Variants in CD2AP observed in about 807,000 individuals in gnomAD.
CD2AP encodes the protein CD2 associated protein.
In CD2AP, 46 loss-of-function variants were observed where a neutral mutation model predicts 85.1. The ratio of observed to expected loss-of-function variants is 0.54; its 90% confidence interval spans 0.43 to 0.69. The LOEUF (loss-of-function observed/expected upper bound fraction) is 0.69, where lower values mean the gene tolerates loss of function less well. CD2AP is among the 30% of genes least tolerant of loss of function. The pLI is 0.00. For missense variants in CD2AP, 769 were observed against 729.5 expected (o/e 1.05, Z -0.62); for synonymous variants, 255 against 252.9 (o/e 1.01, Z -0.08).
intron 11 of CD2AP, among the ~76,000 whole-genome samples, chr6:47,589,553 C>T (rs1319656837): frequency 1.7e-5 from 1 of 57,286 alleles, no homozygotes; most frequent in Non-Finnish European, 4.9e-5. Flanking sequence ...CATATATATA[C>T]ACACACACAC....
In CD2AP at chr6:47,544,609, C is replaced by T. The variant is rs1767317688; in HGVS notation, c.323C>T (p.Thr108Ile). 6.3e-7 allele frequency: 1 copy of T among 1,596,690 alleles called. No individual in the cohort carries two copies. Among genetic ancestry groups the T allele is most frequent in the East Asian group, 2.2e-5 (1 of 44,668 alleles). ...CTTATTATGTTACTTTCTTTAGAGACCAAGAAGCGTCAGTGTAAAGTTCTT... is the reference window on the plus strand; with the variant it reads ...CTTATTATGTTACTTTCTTTAGAGATCAAGAAGCGTCAGTGTAAAGTTCTT... ...HPQTKNIKKK[T>I]KKRQCKVLFE... Residue 108 changes from threonine to isoleucine, a missense_variant, in exon 4 of 18, where the codon ACC becomes ATC. Physicochemically the swap from Thr to Ile is moderately conservative, Grantham distance 89. Coordinates refer to ENST00000359314, the MANE Select transcript of CD2AP (RefSeq NM_012120.3).
chr6:47,589,534 A>ATG (rs1554182272), intron 11 of CD2AP, among the ~76,000 whole-genome samples: 20 of 138,414 alleles, frequency 1.4e-4, no homozygotes, highest in South Asian at 4.7e-4. Flanking sequence ...ATATATACAC[A>ATG]TATGTACACA....
chr6:47,574,302 A>G (rs144554172), intron 6 of CD2AP, 51 bp downstream of exon 6: 1 of 1,509,760 alleles, frequency 6.6e-7, no homozygotes, highest in East Asian at 2.3e-5. Context: ...CTCATTAAGC[A>G]TTTTTTAAAA....
At chr6:47,595,813 C>G in intron 11 of CD2AP, 48 bp from the exon 12 acceptor site, 1 of 1,544,240 alleles carries the variant, frequency 6.5e-7, no homozygotes, top group Non-Finnish European at 8.9e-7. Context: ...ATAGAAAAAC[C>G]TAAATAATTT....
At chr6:47,548,177 G>A (rs1278571322) in intron 4 of CD2AP, among the ~76,000 whole-genome samples, 2 of 151,736 alleles carry the variant, frequency 1.3e-5, no homozygotes, top group African/African-American at 4.8e-5. Context: ...ACCCAAACTC[G>A]GCAGAAGAAA....
chr6:47,519,600 G>C (rs1173392940), intron 2 of CD2AP, among the ~76,000 whole-genome samples: 2 of 152,170 alleles, frequency 1.3e-5, no homozygotes, highest in South Asian at 4.1e-4. Flanking sequence ...TACCTGTTAG[G>C]ATTGTTTGGT....
chr6:47,540,363 GC>G (rs1040457110), intron 3 of CD2AP, among the ~76,000 whole-genome samples: 6 of 151,988 alleles, frequency 3.9e-5, no homozygotes, highest in African/African-American at 1.4e-4. Flanking sequence ...ATCTCAAAGT[GC>G]CCCCTTAATT....
chr6:47,606,815 A>C (rs1769288896), intron 14 of CD2AP, among the ~76,000 whole-genome samples: 6 of 152,104 alleles, frequency 3.9e-5, no homozygotes, highest in Admixed American at 3.9e-4. Context: ...TTTGTGTTAC[A>C]AACCATCTAA....
rs572425310 is a variant in CD2AP at position 47,579,402 on chromosome 6, C to T, written c.921C>T (p.Gly307=). 6.2e-7 allele frequency: 1 copy of T among 1,603,286 alleles called. No individual in the cohort carries two copies. The highest frequency in any genetic ancestry group is 2.2e-5 in the East Asian group (1 of 44,650). ...CTTTTTAGGAGACTGGAGAAGCTGG[C>T]TGGTGGAGGGGCGAACTTAATGGTA... ...HLISKETGEA[G]WWRGELNGKE... is the part of the protein sequence containing the mutation. Residue 307 remains glycine (G), a synonymous_variant, in exon 9 of 18, where the codon GGC becomes GGT. Transcript: ENST00000359314.
chr6:47,489,895 A>T (rs988699512), intron 1 of CD2AP, among the ~76,000 whole-genome samples: 9 of 152,134 alleles, frequency 5.9e-5, no homozygotes, highest in Non-Finnish European at 1.2e-4. Flanking sequence ...TAAAAAATAA[A>T]GAAATTTAAA....
chr6:47,594,874 T>C (rs1362821042), intron 11 of CD2AP, among the ~76,000 whole-genome samples: 1 of 152,102 alleles, frequency 6.6e-6, no homozygotes, highest in African/African-American at 2.4e-5. Context: ...TTTAGCTATG[T>C]GCTACGATGT....
In CD2AP at chr6:47,593,770, A is replaced by T. The variant is rs182793706; in HGVS notation, c.1109-2091A>T. ...TAGGTGGTTCTTCAGAAAGTTAAAC[A>T]TGGAATTACCATATGACCCAGCAGT... On this transcript the variant is annotated intron_variant, in intron 11 of 17. Coordinates refer to ENST00000359314, the MANE Select transcript of CD2AP (RefSeq NM_012120.3). Among the ~76,000 whole-genome samples, 10 of 152,280 alleles carry T rather than the reference A, an allele frequency of 6.6e-5. No homozygotes were observed. The East Asian group carries it at 1.9e-3, about 29-fold the overall frequency.
In CD2AP at chr6:47,599,421, A is replaced by G. The variant is rs775408503; in HGVS notation, c.1395A>G (p.Thr465=). 5.0e-6 allele frequency: 8 copies of G among 1,612,396 alleles called. No individual in the cohort carries two copies. The highest frequency in any genetic ancestry group is 1.1e-5 in the South Asian group (1 of 91,048). The part of the protein sequence containing the change: ...RPKSVDFDSL[T]VRTSKETDVV... ...AATCAGTAGACTTTGATTCACTTAC[A>G]GTAAGGACCTCCAAAGAAACAGGTA... Residue 465 remains threonine (T), a synonymous_variant, in exon 13 of 18, where the codon ACA becomes ACG. Coordinates refer to ENST00000359314, the MANE Select transcript of CD2AP (RefSeq NM_012120.3).
At chr6:47,618,020 A>G (rs1769641435) in intron 17 of CD2AP, among the ~76,000 whole-genome samples, 1 of 152,160 alleles carries the variant, frequency 6.6e-6, no homozygotes, top group Non-Finnish European at 1.5e-5. Context: ...TCTGTCTCTG[A>G]TTAAAAGTAA....
Position 47,478,058 on chromosome 6 carries a change from C to T in CD2AP, c.-187C>T. 4.2e-6 allele frequency: 3 copies of T among 722,802 alleles called. No individual in the cohort carries two copies. In the South Asian group the frequency reaches 5.4e-5, roughly 13 times the overall value. The allele number at this position is 722,802 out of a possible 1,614,324, so 44.8% of individuals were successfully genotyped here. A position where few individuals can be genotyped will look rare whatever the true frequency, so the allele number is the denominator to read the frequency against. On this transcript the variant is annotated 5_prime_UTR_variant, in exon 1 of 18. Coordinates refer to ENST00000359314, the MANE Select transcript of CD2AP (RefSeq NM_012120.3). The stretch of plus-strand genomic sequence containing the variant: ...CCGCCTTTGCCTCTGCCTCGAGGGC[C>T]GCGCTGAAGAGACTGGTAGGAGAGC...
At chr6:47,535,800 G>C in intron 3 of CD2AP, among the ~76,000 whole-genome samples, 1 of 152,064 alleles carries the variant, frequency 6.6e-6, no homozygotes, top group Admixed American at 6.6e-5. Flanking sequence ...AGAATTTTTA[G>C]GCCCACGGGA....
At chr6:47,595,743 A>ATACAAATAC in intron 11 of CD2AP, 118 bp from the exon 12 acceptor site, 1 of 741,586 alleles carries the variant, frequency 1.3e-6, no homozygotes, top group Admixed American at 2.2e-5. Flanking sequence ...ACAAATACAG[A>ATACAAATAC]GAATGAAAGT....
intron 4 of CD2AP, among the ~76,000 whole-genome samples, chr6:47,550,940 C>G (rs1767502132): frequency 6.6e-6 from 1 of 152,262 alleles, no homozygotes; most frequent in African/African-American, 2.4e-5. Flanking sequence ...GAATGAAAAA[C>G]CAAACATCAT....
chr6:47,579,351 T>C (rs768441101), intron 8 of CD2AP, 34 bp from the exon 9 acceptor site: 9 of 840,104 alleles, frequency 1.1e-5, no homozygotes, highest in South Asian at 3.1e-5. Context: ...AAAAAAAAGG[T>C]CTATTGTCTT....
Sources: allele counts gnomAD v4.1 joint callset (sites outside exome capture counted in the v4.1 genomes callset), GRCh38; gene constraint gnomAD v4.1.1; transcripts MANE v1.5; gene names NCBI Gene and HGNC (gene_info 2026-07-23, HGNC 2026-07-21).